Variants in PCDHGA11 observed in about 807,000 individuals in gnomAD.
The protein encoded by PCDHGA11 is protocadherin gamma-A11.
A neutral mutation model predicts 60.4 loss-of-function variants in PCDHGA11; 39 were observed. That is an observed-to-expected ratio of 0.65 (90% confidence interval 0.50 to 0.84). PCDHGA11 has a LOEUF of 0.84. Among genes scored for constraint, PCDHGA11 ranks in the 40% least tolerant of loss-of-function variants. The pLI, the probability that PCDHGA11 is intolerant of heterozygous loss-of-function variation, is 0.00. For synonymous variants in PCDHGA11, 533 were observed against 510.3 expected (o/e 1.04, Z -0.60); for missense variants, 1,165 against 1,197.7 (o/e 0.97, Z 0.40).
rs919375073 is a variant in PCDHGA11 at position 141,490,642 on chromosome 5, C to A, written c.2434-4165C>A. On this transcript the variant is annotated intron_variant, in intron 1 of 3. Coordinates refer to ENST00000398587, the MANE Select transcript of PCDHGA11 (RefSeq NM_018914.3). This position sits in a 1 kb window ranked among gnomAD's most constrained non-coding sequence, Gnocchi z 5.4. ...CACTGCTTACATCCTAGAAAACCGG[C>A]CTCCGGGCTCCCTTCTTTGCACTGT... 4.3e-6 allele frequency: 7 copies of A among 1,614,102 alleles called. No individual in the cohort carries two copies. In the African/African-American group the frequency reaches 6.7e-5, roughly 15 times the overall value.
chr5:141,424,036 C>A, intron 1 of PCDHGA11: 1 of 1,029,606 alleles, frequency 9.7e-7, no homozygotes, highest in Non-Finnish European at 1.2e-6. Context: ...CTTTTTATTT[C>A]CATTTCAATT....
At chr5:141,482,936 G>T (rs2099574800) in intron 1 of PCDHGA11, among the ~76,000 whole-genome samples, 1 of 152,050 alleles carries the variant, frequency 6.6e-6, no homozygotes, top group Admixed American at 6.5e-5. Context: ...AGCCAGGTGT[G>T]GTTGTGGGTG....
Position 141,485,261 on chromosome 5 carries a change from C to G in PCDHGA11, c.2434-9546C>G, listed in dbSNP as rs759268725. 1 of 1,614,076 alleles carries G rather than the reference C, an allele frequency of 6.2e-7. No homozygotes were observed. The highest frequency in any genetic ancestry group is 8.5e-7 in the Non-Finnish European group (1 of 1,179,904). On this transcript the variant is annotated intron_variant, in intron 1 of 3. Transcript: ENST00000398587. This position sits in a 1 kb window ranked among gnomAD's most constrained non-coding sequence, Gnocchi z 5.7. The stretch of plus-strand genomic sequence containing the variant: ...TTACCACCTGGGTTACGTTTGTGGG[C>G]AGATCCGCTACCCGGTCCCAGAGGA...
At chr5:141,484,968 C>A (rs2099604490) in intron 1 of PCDHGA11, 2 of 585,734 alleles carry the variant, frequency 3.4e-6, no homozygotes, top group African/African-American at 3.7e-5. Context: ...GCCCGGGAGC[C>A]GCTGTCTGCC....
In PCDHGA11 at chr5:141,432,967, G is replaced by T; in HGVS notation, c.2433+9307G>T. ...CAGGAGGCGGCTTGACAGGAGCGCC[G>T]GCGTCGCACTTTGTGGGCGTGGACG... On this transcript the variant is annotated intron_variant, in intron 1 of 3. Coordinates refer to ENST00000398587, the MANE Select transcript of PCDHGA11 (RefSeq NM_018914.3). The surrounding 1 kb of genome is among the most constrained non-coding windows in gnomAD (Gnocchi z 6.0). 1 of 1,614,190 alleles carries T rather than the reference G, an allele frequency of 6.2e-7. No homozygotes were observed. The highest frequency in any genetic ancestry group is 2.2e-5 in the East Asian group (1 of 44,854).
chr5:141,487,718 A>G lies in PCDHGA11; in HGVS notation c.2434-7089A>G. Reference sequence around the variant, plus strand: ...TACTGGCCTCTCAGTAAGTGCCCATAGTGATGTCACCATTTTTGTAAGAGG... The same window carrying G: ...TACTGGCCTCTCAGTAAGTGCCCATGGTGATGTCACCATTTTTGTAAGAGG... On this transcript the variant is annotated intron_variant, in intron 1 of 3. Coordinates refer to ENST00000398587, the MANE Select transcript of PCDHGA11 (RefSeq NM_018914.3). The surrounding 1 kb of genome is among the most constrained non-coding windows in gnomAD (Gnocchi z 5.0). The G allele has an allele frequency of 1.3e-6, 2 of 1,580,268 alleles. No individual in the cohort carries two copies. The highest frequency in any genetic ancestry group is 1.7e-6 in the Non-Finnish European group (2 of 1,161,186).
At chr5:141,467,050 G>T (rs6580189) in intron 1 of PCDHGA11, among the ~76,000 whole-genome samples, 42,616 of 146,752 alleles carry the variant, frequency 0.29, 6,868 homozygotes, top group African/African-American at 0.45. Flanking sequence ...ATGAATCAAT[G>T]TTTTCTTTTT....
intron 1 of PCDHGA11, chr5:141,426,946 C>A (rs565370434): frequency 2.2e-6 from 1 of 456,786 alleles, no homozygotes; most frequent in South Asian, 1.5e-5. Flanking sequence ...CCAGTCCCAA[C>A]TGGCACTGCT....
chr5:141,422,543 T>C lies in PCDHGA11; in HGVS notation c.1316T>C (p.Val439Ala), dbSNP rs2096655736. 1 of 1,613,882 alleles carries C rather than the reference T, an allele frequency of 6.2e-7. No homozygotes were observed. Among genetic ancestry groups the C allele is most frequent in the African/African-American group, 1.3e-5 (1 of 74,928 alleles). ...GSPPLSAETHVWLNVADDNDN... is the reference protein window; with the variant it reads ...GSPPLSAETHAWLNVADDNDN... Reference sequence around the variant, plus strand: ...CCGCCTTTGTCTGCAGAAACTCATGTCTGGCTGAATGTGGCAGATGACAAC... The same window carrying C: ...CCGCCTTTGTCTGCAGAAACTCATGCCTGGCTGAATGTGGCAGATGACAAC... Residue 439 changes from valine to alanine, a missense_variant, in exon 1 of 4, where the codon GTC (valine) becomes GCC (alanine). Coordinates refer to ENST00000398587, the MANE Select transcript of PCDHGA11 (RefSeq NM_018914.3).
intron 1 of PCDHGA11, among the ~76,000 whole-genome samples, chr5:141,436,677 G>T (rs966497986): frequency 2.2e-4 from 33 of 152,278 alleles, no homozygotes; most frequent in Non-Finnish European, 2.9e-5. Flanking sequence ...CCAAAAAAAG[G>T]ATTTATATTT....
chr5:141,464,043 T>C (rs2099074643), intron 1 of PCDHGA11, among the ~76,000 whole-genome samples: 2 of 152,074 alleles, frequency 1.3e-5, no homozygotes, highest in African/African-American at 4.8e-5. Context: ...GGCGGGTGGA[T>C]CACCTGAGGT....
At position 141,476,356 on chromosome 5, in the gene PCDHGA11, C is replaced by T. The variant is rs757679991; in HGVS notation, c.2434-18451C>T. The stretch of plus-strand genomic sequence containing the variant: ...CTAGCCGAAGATTCTTTGAGGTGAA[C>T]CGGGAGACCGGAGAGATGTTTGTGA... On this transcript the variant is annotated intron_variant, in intron 1 of 3. Coordinates refer to ENST00000398587, the MANE Select transcript of PCDHGA11 (RefSeq NM_018914.3). This position sits in a 1 kb window ranked among gnomAD's most constrained non-coding sequence, Gnocchi z 7.6. 6 of 1,613,958 alleles carry T rather than the reference C, an allele frequency of 3.7e-6. No individual in the cohort carries two copies. The African/African-American group carries it at 4.0e-5, about 11-fold the overall frequency.
chr5:141,440,563 T>C (rs1048420758), intron 1 of PCDHGA11: 3 of 152,250 alleles, frequency 2.0e-5, no homozygotes, highest in Admixed American at 6.5e-5. Flanking sequence ...TTAAGTTACG[T>C]ATCTCTGAGT....
At chr5:141,433,818 C>A (rs1286718725) in intron 1 of PCDHGA11, among the ~76,000 whole-genome samples, 7 of 133,614 alleles carry the variant, frequency 5.2e-5, no homozygotes, top group African/African-American at 5.8e-5. Flanking sequence ...GCCTGGGCAA[C>A]AAGAGTGAAA....
rs748803155 is a variant in PCDHGA11, at chr5:141,490,087, G to C, written c.2434-4720G>C. ...CGGCCAACTAGACTATTCTTTTGGAGACCACACATCTGAGGCAGTGCGGAA... is the reference window on the plus strand; with the variant it reads ...CGGCCAACTAGACTATTCTTTTGGACACCACACATCTGAGGCAGTGCGGAA... On this transcript the variant is annotated intron_variant, in intron 1 of 3. Transcript: ENST00000398587. The surrounding 1 kb of genome is among the most constrained non-coding windows in gnomAD (Gnocchi z 5.4). 1.9e-6 allele frequency: 3 copies of C among 1,614,244 alleles called. No individual in the cohort carries two copies. Among genetic ancestry groups the C allele is most frequent in the Non-Finnish European group, 2.5e-6 (3 of 1,180,044 alleles).
chr5:141,475,989 A>G, intron 1 of PCDHGA11: 1 of 1,130,622 alleles, frequency 8.8e-7, no homozygotes, highest in Non-Finnish European at 1.3e-6. Flanking sequence ...CCGGCGAGCA[A>G]ATCAACGGCA....
At chr5:141,499,570 A>C (rs1027373056) in intron 2 of PCDHGA11, among the ~76,000 whole-genome samples, 2 of 152,200 alleles carry the variant, frequency 1.3e-5, no homozygotes, top group Non-Finnish European at 2.9e-5. Flanking sequence ...TCCAGCTTCA[A>C]CTAATGCCTT....
intron 1 of PCDHGA11, among the ~76,000 whole-genome samples, chr5:141,429,503 C>T (rs890656634): frequency 1.3e-5 from 2 of 151,922 alleles, no homozygotes; most frequent in Admixed American, 6.6e-5. Context: ...TTGCCTGAAA[C>T]TGTGCCTGGC....
chr5:141,431,767 T>G lies in PCDHGA11; in HGVS notation c.2433+8107T>G, dbSNP rs1397063213. On this transcript the variant is annotated intron_variant, in intron 1 of 3. Coordinates refer to ENST00000398587, the MANE Select transcript of PCDHGA11 (RefSeq NM_018914.3). The surrounding 1 kb of genome is among the most constrained non-coding windows in gnomAD (Gnocchi z 4.8). ...CTGCGCGAGCCAAAGTCCTGATCAC[T>G]GTTCTGGACGTGAACGACAATGCCC... The G allele has an allele frequency of 6.2e-7, 1 of 1,614,224 alleles. No individual in the cohort carries two copies.
Sources: allele counts gnomAD v4.1 joint callset (sites outside exome capture counted in the v4.1 genomes callset), GRCh38; gene constraint gnomAD v4.1.1; non-coding constraint Gnocchi (gnomAD v3.1); transcripts MANE v1.5; gene names NCBI Gene and HGNC (gene_info 2026-07-23, HGNC 2026-07-21).